Variants in KCND2 observed in about 807,000 individuals in gnomAD.
The protein encoded by KCND2 is A-type voltage-gated potassium channel KCND2.
KCND2 carries 16 observed loss-of-function variants against 54.4 expected under a neutral mutation model. The observed-to-expected ratio is 0.29, with a 90% CI of 0.20 to 0.45. The LOEUF (loss-of-function observed/expected upper bound fraction) is 0.45. Among genes scored for constraint, KCND2 ranks in the 20% least tolerant of loss-of-function variants. The pLI is 1.00. For missense variants in KCND2, 486 were observed against 824.2 expected (o/e 0.59, Z 5.02); for synonymous variants, 317 against 310.7 (o/e 1.02, Z -0.21).
Position 120,455,107 on chromosome 7 carries a change from C to T in KCND2, c.1115+179360C>T, listed in dbSNP as rs77820936. Among the ~76,000 whole-genome samples the T allele has an allele frequency of 1.8e-3, 273 of 152,110 alleles. 9 individuals are homozygous for T. The East Asian group carries it at 0.047, about 26-fold the overall frequency. On this transcript the variant is annotated intron_variant, in intron 1 of 5. Coordinates refer to ENST00000331113, the MANE Select transcript of KCND2 (RefSeq NM_012281.3). ...CAGGATTGTTAAAATGGCCAAACTG[C>T]CCTAAAAAATTTATAGATTCAATAC...
In KCND2 at chr7:120,745,835, C is replaced by T. The variant is rs1176737452; in HGVS notation, c.1523C>T (p.Thr508Ile). Residue 508 changes from threonine to isoleucine, a missense_variant, in exon 5 of 6, where the codon ACT becomes ATT. This residue lies in a region of KCND2 where 202 missense variants were observed against 252.7 expected (regional missense o/e 0.80). Coordinates refer to ENST00000331113, the MANE Select transcript of KCND2 (RefSeq NM_012281.3). ...GAAGAAAGCTGCATGGAAGTTGCAA[C>T]TGTTAATCGTCCTTCAAGTCACAGT... is the stretch of plus-strand genomic sequence containing the variant. ...VFEESCMEVA[T>I]VNRPSSHSPS... 2 of 1,613,684 alleles carry T rather than the reference C, an allele frequency of 1.2e-6. No individual in the cohort carries two copies. Among genetic ancestry groups the T allele is most frequent in the African/African-American group, 2.7e-5 (2 of 74,902 alleles).
chr7:120,295,772 A>T (rs982427799), intron 1 of KCND2, among the ~76,000 whole-genome samples: 1 of 151,928 alleles, frequency 6.6e-6, no homozygotes, highest in African/African-American at 2.4e-5. Context: ...ATTAAGTGAA[A>T]TTTTTCTCAC....
chr7:120,412,037 G>T (rs1389415659), intron 1 of KCND2, among the ~76,000 whole-genome samples: 1 of 151,866 alleles, frequency 6.6e-6, no homozygotes, highest in Non-Finnish European at 1.5e-5. Context: ...AAACAATATT[G>T]TACTACCTTT....
At chr7:120,717,963 A>G (rs1380718666) in intron 1 of KCND2, among the ~76,000 whole-genome samples, 1 of 152,034 alleles carries the variant, frequency 6.6e-6, no homozygotes, top group Admixed American at 6.6e-5. Flanking sequence ...GGAGCATAAT[A>G]CCTTCTCCTT....
At chr7:120,696,590 G>A (rs1397225759) in intron 1 of KCND2, among the ~76,000 whole-genome samples, 1 of 152,196 alleles carries the variant, frequency 6.6e-6, no homozygotes, top group Non-Finnish European at 1.5e-5. Flanking sequence ...GGGAGGTGGG[G>A]CCTAAAAAGA....
chr7:120,308,709 C>A (rs1308074408), intron 1 of KCND2, among the ~76,000 whole-genome samples: 1 of 152,124 alleles, frequency 6.6e-6, no homozygotes. Flanking sequence ...AAGTGTGGGA[C>A]AGGAGAAAAC....
intron 1 of KCND2, among the ~76,000 whole-genome samples, chr7:120,481,044 T>A (rs1328828722): frequency 2.0e-5 from 3 of 152,216 alleles, no homozygotes; most frequent in African/African-American, 7.2e-5. Flanking sequence ...TAGAGATTAC[T>A]TAAGTGGTTG....
rs933881605 is a variant in KCND2, at chr7:120,507,397, T to G, written c.1116-225506T>G. On this transcript the variant is annotated intron_variant, in intron 1 of 5. Coordinates refer to ENST00000331113, the MANE Select transcript of KCND2 (RefSeq NM_012281.3). ...TTCACTACTAATACTGCCTTGATTT[T>G]CAGCTGGACTTATGGCTACATGGGT... Among the ~76,000 whole-genome samples, 14 of 151,946 alleles carry G rather than the reference T, an allele frequency of 9.2e-5. No individual in the cohort carries two copies. The East Asian group carries it at 2.5e-3, about 27-fold the overall frequency.
At chr7:120,327,629 T>C (rs2116341781) in intron 1 of KCND2, among the ~76,000 whole-genome samples, 1 of 152,264 alleles carries the variant, frequency 6.6e-6, no homozygotes. Flanking sequence ...GACACATTTA[T>C]AGCCTTCCTT....
intron 1 of KCND2, among the ~76,000 whole-genome samples, chr7:120,351,266 A>ATATATATATATC (rs1375713144): frequency 4.8e-5 from 7 of 145,302 alleles, no homozygotes; most frequent in African/African-American, 1.8e-4. Context: ...ATATATATAT[A>ATATATATATATC]TCCAGTATAT....
intron 1 of KCND2, among the ~76,000 whole-genome samples, chr7:120,407,213 T>C (rs1801374373): frequency 6.6e-6 from 1 of 152,056 alleles, no homozygotes; most frequent in Non-Finnish European, 1.5e-5. Flanking sequence ...AGCGTAGATG[T>C]GTACATAGAA....
At chr7:120,319,337 A>G (rs1799858875) in intron 1 of KCND2, among the ~76,000 whole-genome samples, 1 of 152,136 alleles carries the variant, frequency 6.6e-6, no homozygotes, top group South Asian at 2.1e-4. Context: ...AAAAAATTAC[A>G]CATTTTCAAA....
intron 1 of KCND2, among the ~76,000 whole-genome samples, chr7:120,596,300 G>A (rs1471370217): frequency 6.6e-6 from 1 of 152,172 alleles, no homozygotes; most frequent in Non-Finnish European, 1.5e-5. Flanking sequence ...ACCAGCCAAT[G>A]TCTGCTTAAA....
At chr7:120,353,132 A>ATTT (rs1491194211) in intron 1 of KCND2, among the ~76,000 whole-genome samples, 10 of 75,032 alleles carry the variant, frequency 1.3e-4, no homozygotes, top group African/African-American at 1.8e-4. Flanking sequence ...AAATACTTTT[A>ATTT]CTTTTTTTTT....
At chr7:120,481,993 G>A (rs1301021489) in intron 1 of KCND2, among the ~76,000 whole-genome samples, 4 of 152,184 alleles carry the variant, frequency 2.6e-5, no homozygotes, top group Non-Finnish European at 4.4e-5. Flanking sequence ...AGAGCTATGA[G>A]GTCACCAACA....
At chr7:120,424,472 A>G (rs1459575040) in intron 1 of KCND2, among the ~76,000 whole-genome samples, 3 of 152,226 alleles carry the variant, frequency 2.0e-5, no homozygotes, top group Non-Finnish European at 4.4e-5. Flanking sequence ...ATTACCATGT[A>G]AACCAATCAC....
chr7:120,464,301 A>C (rs1802335126), intron 1 of KCND2, among the ~76,000 whole-genome samples: 2 of 151,970 alleles, frequency 1.3e-5, no homozygotes, highest in South Asian at 4.2e-4. Context: ...GTGATTTTAA[A>C]ATTCTTATTC....
intron 1 of KCND2, among the ~76,000 whole-genome samples, chr7:120,457,824 T>A (rs1802221846): frequency 6.6e-6 from 1 of 152,196 alleles, no homozygotes; most frequent in Non-Finnish European, 1.5e-5. Flanking sequence ...CCAATCTCTG[T>A]GGTATCAATT....
rs906048467 is a variant in KCND2, at chr7:120,404,575, G to A, written c.1115+128828G>A. On this transcript the variant is annotated intron_variant, in intron 1 of 5. Coordinates refer to ENST00000331113, the MANE Select transcript of KCND2 (RefSeq NM_012281.3). ...ATAACATTAGGCCAGGGAAATGCTT[G>A]TTTCCTGTTAGTCCTGATACCCGTG... Among the ~76,000 whole-genome samples, 11 of 152,264 alleles carry A rather than the reference G, an allele frequency of 7.2e-5. No individual in the cohort carries two copies. In the East Asian group the frequency reaches 1.5e-3, roughly 21 times the overall value.
Sources: gnomAD v4.1 joint callset for allele counts (sites outside exome capture counted in the v4.1 genomes callset) on GRCh38, gnomAD v4.1.1 for gene constraint, gnomAD v4.1.1 regional missense constraint, MANE v1.5 for transcripts, NCBI Gene and HGNC (gene_info 2026-07-23, HGNC 2026-07-21) for gene names.